The following ASH1L variants were observed in gnomAD, a reference collection of about 807,000 sequenced individuals.
The protein encoded by ASH1L is histone-lysine N-methyltransferase ASH1L.
In ASH1L, 23 loss-of-function variants were observed where a neutral mutation model predicts 269.0. That is an observed-to-expected ratio of 0.09 (90% CI 0.06 to 0.12). The LOEUF (loss-of-function observed/expected upper bound fraction) is 0.12, where lower values mean the gene tolerates loss of function less well. Among genes scored for constraint, ASH1L ranks in the 10% least tolerant of loss-of-function variants. The pLI, the probability that ASH1L is intolerant of heterozygous loss-of-function variation, is 1.00. For synonymous variants in ASH1L, 1,187 were observed against 1,253.5 expected, an observed-to-expected ratio of 0.95 and a Z score of 1.12; for missense variants, 2,912 against 3,567.8, an observed-to-expected ratio of 0.82 and a Z score of 4.68.
intron 4 of ASH1L, chr1:155,440,546 T>C (rs1322264210): frequency 1.0e-6 from 1 of 966,026 alleles, no homozygotes; most frequent in East Asian, 1.1e-4. Flanking sequence ...TCAATTATCA[T>C]CAGTATGTAA....
At chr1:155,446,073 G>A (rs1209593714) in intron 4 of ASH1L, among the ~76,000 whole-genome samples, 5 of 145,284 alleles carry the variant, frequency 3.4e-5, no homozygotes, top group African/African-American at 5.1e-5. Flanking sequence ...TAGTAGAGAC[G>A]GGGTTTCACC....
rs1217608016 is a variant in ASH1L, at chr1:155,512,448, CTTTTTT to C, written c.420+8646_420+8651del. 1.1e-4 allele frequency among the ~76,000 whole-genome samples: 10 copies of C among 93,720 alleles called. No individual in the cohort carries two copies. In the South Asian group the frequency reaches 1.8e-3, roughly 17 times the overall value. 61.5% of individuals were successfully genotyped at this position (93,720 alleles called of 152,430 possible). The stretch of plus-strand genomic sequence containing the variant: ...AAAAAGAAAGGCAAAGGATCTTAGA[CTTTTTT>C]TTTTTTTTTTTTTTTGAGATGGAGT... On this transcript the variant is annotated intron_variant, in intron 2 of 27. Transcript: ENST00000392403.
chr1:155,560,429 A>C (rs943188971), intron 1 of ASH1L, among the ~76,000 whole-genome samples: 2 of 152,188 alleles, frequency 1.3e-5, no homozygotes, highest in African/African-American at 4.8e-5. Flanking sequence ...TACTATATGA[A>C]ATGAGTCTTT....
intron 7 of ASH1L, among the ~76,000 whole-genome samples, chr1:155,394,480 G>T (rs1401168310): frequency 6.6e-6 from 1 of 152,188 alleles, no homozygotes; most frequent in Non-Finnish European, 1.5e-5. Context: ...CTGTTAGATG[G>T]CTATTGCAGC....
chr1:155,559,118 T>C (rs1671792761), intron 1 of ASH1L, among the ~76,000 whole-genome samples: 2 of 152,044 alleles, frequency 1.3e-5, no homozygotes, highest in African/African-American at 2.4e-5. Flanking sequence ...TGATTACAAG[T>C]GAGAGCCACC....
chr1:155,521,172 A>T lies in ASH1L; in HGVS notation c.348T>A (p.Ile116=), dbSNP rs1361601965. 1 of 1,613,772 alleles carries T rather than the reference A, an allele frequency of 6.2e-7. No homozygotes were observed. Among genetic ancestry groups the T allele is most frequent in the Non-Finnish European group, 8.5e-7 (1 of 1,179,994 alleles). The part of the protein sequence containing the change: ...YVCRPAIKTT[I]KHPRKALKSG... The stretch of plus-strand genomic sequence containing the variant: ...TTTTAAGTGCTTTCCTTGGGTGCTT[A>T]ATAGTTGTTTTTATGGCAGGTCGAC... The change falls in exon 2 of 28, where the codon ATT becomes ATA. Residue 116 remains isoleucine (I), a synonymous_variant. Coordinates refer to ENST00000392403, the MANE Select transcript of ASH1L (RefSeq NM_018489.3).
chr1:155,423,123 A>G (rs975975637), intron 5 of ASH1L, among the ~76,000 whole-genome samples: 1 of 149,702 alleles, frequency 6.7e-6, no homozygotes, highest in Admixed American at 6.7e-5. Flanking sequence ...TAATTTTTGC[A>G]TTTTTAGTAG....
At chr1:155,427,313 C>T (rs939404950) in intron 5 of ASH1L, among the ~76,000 whole-genome samples, 5 of 141,604 alleles carry the variant, frequency 3.5e-5, no homozygotes, top group Non-Finnish European at 7.8e-5. Flanking sequence ...TTTAATTTTT[C>T]TTTTTTTTTT....
At chr1:155,537,534 A>C (rs766908066) in intron 1 of ASH1L, among the ~76,000 whole-genome samples, 1 of 152,224 alleles carries the variant, frequency 6.6e-6, no homozygotes, top group Non-Finnish European at 1.5e-5. Context: ...ACTTGGATTG[A>C]ATGTAATCTT....
intron 1 of ASH1L, among the ~76,000 whole-genome samples, chr1:155,546,674 C>T (rs1184510540): frequency 2.6e-5 from 4 of 151,796 alleles, no homozygotes; most frequent in Non-Finnish European, 4.4e-5. Flanking sequence ...AGGAGAATCA[C>T]TTGAACTCGG....
chr1:155,433,598 A>G, intron 5 of ASH1L: 1 of 1,610,354 alleles, frequency 6.2e-7, no homozygotes, highest in Non-Finnish European at 8.5e-7. Flanking sequence ...CCAGAACATC[A>G]AAGCTCTGCA....
chr1:155,479,564 A>T lies in ASH1L; in HGVS notation c.3306T>A (p.Ile1102=). 6.2e-7 allele frequency: 1 copy of T among 1,614,192 alleles called. No individual in the cohort carries two copies. The highest frequency in any genetic ancestry group is 2.2e-5 in the East Asian group (1 of 44,878). Residue 1102 remains isoleucine, a synonymous_variant, in exon 3 of 28, where the codon ATT becomes ATA. Transcript: ENST00000392403. ...ACTGAGAGCAAATAGGTGATGGAAG[A>T]ATCTCAGAACTACTAGCAGATGAAG... ...LLPSSASSSE[I]LPSPICSQSS...
At chr1:155,447,337 T>C (rs1354291098) in intron 4 of ASH1L, among the ~76,000 whole-genome samples, 2 of 152,226 alleles carry the variant, frequency 1.3e-5, no homozygotes, top group African/African-American at 4.8e-5. Flanking sequence ...TCATGTATTG[T>C]TTTTCTTAAA....
intron 1 of ASH1L, among the ~76,000 whole-genome samples, chr1:155,546,277 G>C (rs1001341173): frequency 1.3e-5 from 2 of 151,550 alleles, no homozygotes; most frequent in African/African-American, 2.4e-5. Context: ...CTTGCAATGA[G>C]CCGATATCGT....
chr1:155,422,771 T>G (rs574905567), intron 5 of ASH1L, among the ~76,000 whole-genome samples: 1 of 151,780 alleles, frequency 6.6e-6, no homozygotes, highest in Admixed American at 6.6e-5. Context: ...TGCCTCAGCT[T>G]CCTGAAGAGC....
chr1:155,513,607 C>T (rs565340231), intron 2 of ASH1L, among the ~76,000 whole-genome samples: 3 of 151,862 alleles, frequency 2.0e-5, no homozygotes, highest in South Asian at 4.2e-4. Context: ...AATGTCCAGC[C>T]TGGGTGACAC....
At chr1:155,538,218 T>C (rs1276466636) in intron 1 of ASH1L, among the ~76,000 whole-genome samples, 1 of 151,834 alleles carries the variant, frequency 6.6e-6, no homozygotes, top group Non-Finnish European at 1.5e-5. Flanking sequence ...ACTTATATTT[T>C]GCATTTTGGA....
At chr1:155,559,310 G>C (rs577805437) in intron 1 of ASH1L, among the ~76,000 whole-genome samples, 1 of 151,966 alleles carries the variant, frequency 6.6e-6, no homozygotes, top group Non-Finnish European at 1.5e-5. Flanking sequence ...AGGCCGAGGC[G>C]GGTGGATCAT....
At chr1:155,345,751 T>G (rs1412256391) in intron 21 of ASH1L, among the ~76,000 whole-genome samples, 1 of 151,112 alleles carries the variant, frequency 6.6e-6, no homozygotes, top group Non-Finnish European at 1.5e-5. Context: ...AGTTTTGAAT[T>G]TTTAGTAGAG....
Sources: allele counts gnomAD v4.1 joint callset (sites outside exome capture counted in the v4.1 genomes callset), GRCh38; gene constraint gnomAD v4.1.1; transcripts MANE v1.5; gene names NCBI Gene and HGNC (gene_info 2026-07-23, HGNC 2026-07-21).